The following MERTK variants were observed in gnomAD, a reference collection of about 807,000 sequenced individuals.
The protein encoded by MERTK is tyrosine-protein kinase Mer.
Under a neutral mutation model 99.3 loss-of-function variants are expected in MERTK, and 69 were observed. The observed-to-expected ratio is 0.70, with a 90% CI of 0.57 to 0.85. The LOEUF (loss-of-function observed/expected upper bound fraction) is 0.85, where lower values mean the gene tolerates loss of function less well. Ranked by LOEUF, MERTK falls within the 40% of genes least tolerant of loss-of-function variation. The pLI is 0.00. For missense variants in MERTK, 1,125 were observed against 1,249.4 expected, an observed-to-expected ratio of 0.90 and a Z score of 1.50; for synonymous variants, 426 against 467.6, an observed-to-expected ratio of 0.91 and a Z score of 1.15.
At chr2:111,960,181 C>G (rs923089227) in intron 4 of MERTK, among the ~76,000 whole-genome samples, 2 of 152,036 alleles carry the variant, frequency 1.3e-5, no homozygotes, top group Non-Finnish European at 2.9e-5. Flanking sequence ...TTTCCAGAGA[C>G]AGAAAATTCC....
At chr2:111,986,590 A>C (rs1357513456) in intron 8 of MERTK, among the ~76,000 whole-genome samples, 1 of 152,190 alleles carries the variant, frequency 6.6e-6, no homozygotes, top group Non-Finnish European at 1.5e-5. Context: ...CAATGATGAA[A>C]ACCTTATGAA....
At chr2:111,973,033 A>G (rs1676155423) in intron 6 of MERTK, among the ~76,000 whole-genome samples, 1 of 152,084 alleles carries the variant, frequency 6.6e-6, no homozygotes, top group Non-Finnish European at 1.5e-5. Flanking sequence ...TTTGGTCCTG[A>G]TCTTAGCTCT....
In MERTK at chr2:111,975,474, T is replaced by C. The variant is rs1676228200; in HGVS notation, c.1144+2T>C. 6.2e-7 allele frequency: 1 copy of C among 1,613,776 alleles called. No individual in the cohort carries two copies. Among genetic ancestry groups the C allele is most frequent in the Non-Finnish European group, 8.5e-7 (1 of 1,179,894 alleles). On this transcript the variant is annotated splice_donor_variant, in intron 7 of 18. Transcript: ENST00000295408. LOFTEE classifies it high-confidence loss of function. ...TTCTAGCCAGCACGACTGAAGGAGG[T>C]AATTCCTGGGGTTCAGAATGTATAT...
At chr2:111,931,779 G>A (rs568544903) in intron 2 of MERTK, among the ~76,000 whole-genome samples, 2 of 152,274 alleles carry the variant, frequency 1.3e-5, no homozygotes, top group African/African-American at 2.4e-5. Flanking sequence ...TGTCACCTAG[G>A]AGGGGAGCAT....
chr2:111,963,024 T>C (rs1052717781), intron 4 of MERTK, among the ~76,000 whole-genome samples: 1 of 152,066 alleles, frequency 6.6e-6, no homozygotes, highest in Non-Finnish European at 1.5e-5. Context: ...TTATTGATCA[T>C]TCTTGGGTGT....
At chr2:111,963,810 G>A (rs1459269070) in intron 4 of MERTK, among the ~76,000 whole-genome samples, 1 of 152,044 alleles carries the variant, frequency 6.6e-6, no homozygotes, top group African/African-American at 2.4e-5. Context: ...TTTCCCCACA[G>A]ACAGGTTTTA....
chr2:112,003,430 T>G, intron 12 of MERTK: 1 of 376,126 alleles, frequency 2.7e-6, no homozygotes, highest in East Asian at 5.5e-5. Flanking sequence ...ATTTTCTTTC[T>G]TCATTGAAAA....
At chr2:111,948,049 G>A (rs1216192964) in intron 4 of MERTK, among the ~76,000 whole-genome samples, 1 of 152,074 alleles carries the variant, frequency 6.6e-6, no homozygotes, top group Non-Finnish European at 1.5e-5. Context: ...AATGAAAGTG[G>A]CCCAGTTTTA....
rs1218814271 is a variant in MERTK, at chr2:111,992,234, G to A, written c.1297-2017G>A. On this transcript the variant is annotated intron_variant, in intron 8 of 18. Transcript: ENST00000295408. Reference sequence around the variant, plus strand: ...GCTCAGTCTAATAGTACTAGATCATGCCTTTTTTGTCCAATCACAGTTCTA... The same window carrying A: ...GCTCAGTCTAATAGTACTAGATCATACCTTTTTTGTCCAATCACAGTTCTA... 3.3e-5 allele frequency among the ~76,000 whole-genome samples: 5 copies of A among 152,128 alleles called. No individual in the cohort carries two copies. The South Asian group carries it at 6.2e-4, about 19-fold the overall frequency.
intron 18 of MERTK, among the ~76,000 whole-genome samples, chr2:112,025,821 G>A (rs1311412077): frequency 1.3e-5 from 2 of 152,188 alleles, no homozygotes; most frequent in Non-Finnish European, 2.9e-5. Context: ...AACATAAAAT[G>A]TACTCTTAAC....
chr2:111,965,246 C>CGT lies in MERTK; in HGVS notation c.816_817dup (p.Ser273CysfsTer30). 6.2e-7 allele frequency: 1 copy of CGT among 1,614,178 alleles called. No individual in the cohort carries two copies. Among genetic ancestry groups the CGT allele is most frequent in the Non-Finnish European group, 8.5e-7 (1 of 1,180,018 alleles). On this transcript the variant is annotated frameshift_variant, in exon 5 of 19. Transcript: ENST00000295408. LOFTEE classifies it high-confidence loss of function. ...AGGCCCACAATGACAAAGGGCTGACCGTGTCCAAGGGAGTGCAGATCAACA... is the reference window on the plus strand; with the variant it reads ...AGGCCCACAATGACAAAGGGCTGACCGTGTGTCCAAGGGAGTGCAGATCAACA...
At chr2:111,913,333 A>T (rs748604199) in intron 1 of MERTK, among the ~76,000 whole-genome samples, 10 of 152,088 alleles carry the variant, frequency 6.6e-5, no homozygotes, top group Non-Finnish European at 1.5e-4. Context: ...TGTTGTTTTT[A>T]GCAGAAGAGT....
intron 14 of MERTK, 192 bp downstream of exon 14, chr2:112,008,667 C>A: frequency 2.9e-6 from 2 of 683,914 alleles, no homozygotes; most frequent in Admixed American, 2.1e-5. Context: ...AATGAGTTTG[C>A]ATTTTCTGGA....
chr2:111,969,731 G>A (rs1457055923), intron 6 of MERTK, among the ~76,000 whole-genome samples: 28 of 131,106 alleles, frequency 2.1e-4, no homozygotes, highest in Non-Finnish European at 3.9e-4. Context: ...TCGCTCTGTT[G>A]CCCAGGCTGG....
chr2:111,926,717 C>A (rs148843653), intron 1 of MERTK, among the ~76,000 whole-genome samples: 148 of 152,170 alleles, frequency 9.7e-4, no homozygotes, highest in Non-Finnish European at 1.6e-3. Context: ...GGTGACAGAG[C>A]GAGACTCCAT....
intron 8 of MERTK, among the ~76,000 whole-genome samples, chr2:111,986,340 G>A (rs1554214): frequency 0.62 from 94,098 of 152,068 alleles, 29,489 homozygotes; most frequent in Middle Eastern, 0.69. Context: ...TTTGAGAGAA[G>A]GGCTTTTGTT....
intron 3 of MERTK, 23 bp downstream of exon 3, chr2:111,945,083 C>G (rs1264470766): frequency 1.3e-6 from 2 of 1,568,442 alleles, no homozygotes; most frequent in East Asian, 2.2e-5. Flanking sequence ...ACCAGAGTCC[C>G]ATTGCCAGAG....
chr2:111,960,505 A>G (rs201881144), intron 4 of MERTK, among the ~76,000 whole-genome samples: 1 of 135,036 alleles, frequency 7.4e-6, no homozygotes, highest in Non-Finnish European at 1.7e-5. Context: ...AAAAAAAGAA[A>G]AGAAAATTCC....
At chr2:112,027,953 A>C (rs543352082) in intron 18 of MERTK, among the ~76,000 whole-genome samples, 1 of 152,250 alleles carries the variant, frequency 6.6e-6, no homozygotes, top group Admixed American at 6.5e-5. Context: ...CCATTGTGAC[A>C]TAAGAAGTCA....
Sources: allele counts gnomAD v4.1 joint callset (sites outside exome capture counted in the v4.1 genomes callset), GRCh38; gene constraint gnomAD v4.1.1; transcripts MANE v1.5; gene names NCBI Gene and HGNC (gene_info 2026-07-23, HGNC 2026-07-21).